GUCY2F: variants seen among roughly 807,000 people sequenced by gnomAD.
GUCY2F encodes the protein retinal guanylyl cyclase 2.
GUCY2F carries 61 observed loss-of-function variants against 73.1 expected under a neutral mutation model. The ratio of observed to expected loss-of-function variants is 0.83; its 90% CI spans 0.68 to 1.03. The LOEUF is 1.03. Ranked by LOEUF, GUCY2F falls within the 50% of genes least tolerant of loss-of-function variation. The pLI is 0.00. For missense variants in GUCY2F, 912 were observed against 854.3 expected (o/e 1.07, Z -0.84); for synonymous variants, 331 against 307.8 (o/e 1.08, Z -0.79).
chrX:109,386,896 G>A (rs1156827301), intron 15 of GUCY2F, among the ~76,000 whole-genome samples: 1 of 111,822 alleles, frequency 8.9e-6, no homozygotes, highest in East Asian at 2.8e-4. Context: ...GGTATGCTGA[G>A]GGGGGTTGGA....
chrX:109,476,811 GTGTGTATATATA>G (rs1488159909), intron 1 of GUCY2F, among the ~76,000 whole-genome samples: 1 of 105,811 alleles, frequency 9.5e-6, no homozygotes, highest in Non-Finnish European at 1.9e-5. Context: ...ATATATGTGC[GTGTGTATATATA>G]TGTGTATATA....
chrX:109,425,335 T>G (rs888966236), intron 8 of GUCY2F, among the ~76,000 whole-genome samples: 2 of 98,207 alleles, frequency 2.0e-5, no homozygotes, highest in African/African-American at 7.4e-5. Context: ...AAAGAAATTG[T>G]TGTGTGTGTG....
At chrX:109,435,241 G>C (rs1299455543) in intron 7 of GUCY2F, among the ~76,000 whole-genome samples, 3 of 110,364 alleles carry the variant, frequency 2.7e-5, no homozygotes, top group Admixed American at 9.6e-5. Context: ...TCACGATATT[G>C]ATTCTTCCTA....
intron 3 of GUCY2F, 111 bp from the exon 4 acceptor site, chrX:109,453,970 G>A: frequency 7.4e-6 from 3 of 404,583 alleles, no homozygotes; most frequent in Non-Finnish European, 1.2e-5. Flanking sequence ...GTGAAGTAGA[G>A]CTATGAAGAC....
chrX:109,425,472 G>A (rs1323259673), intron 8 of GUCY2F, among the ~76,000 whole-genome samples: 2 of 108,870 alleles, frequency 1.8e-5, no homozygotes, highest in East Asian at 5.7e-4. Flanking sequence ...ACTCAGCCAT[G>A]AAAAGGAATG....
At chrX:109,457,270 G>A (rs1345453473) in intron 3 of GUCY2F, among the ~76,000 whole-genome samples, 1 of 111,871 alleles carries the variant, frequency 8.9e-6, no homozygotes, top group African/African-American at 3.2e-5. Context: ...ATAATGGTTC[G>A]TGCTGTTTTT....
At chrX:109,432,057 C>T (rs1324939927) in intron 7 of GUCY2F, among the ~76,000 whole-genome samples, 1 of 111,757 alleles carries the variant, frequency 8.9e-6, no homozygotes, top group Admixed American at 9.4e-5. Context: ...GGACCAGCTG[C>T]ATCAGCATCA....
intron 3 of GUCY2F, among the ~76,000 whole-genome samples, chrX:109,456,570 A>G (rs1244254497): frequency 2.7e-5 from 3 of 111,549 alleles, no homozygotes; most frequent in Non-Finnish European, 5.7e-5. Flanking sequence ...TGATTGACCC[A>G]TTGGAGCTGA....
intron 10 of GUCY2F, 23 bp from the exon 11 acceptor site, chrX:109,398,721 T>C: frequency 2.5e-6 from 3 of 1,193,374 alleles, no homozygotes; most frequent in Non-Finnish European, 3.4e-6. Context: ...CATTGTGTAA[T>C]GAATGCAGGG....
chrX:109,435,295 T>C (rs865946777), intron 7 of GUCY2F, among the ~76,000 whole-genome samples: 2 of 108,507 alleles, frequency 1.8e-5, no homozygotes, highest in Non-Finnish European at 3.8e-5. Flanking sequence ...TATCCTCTTT[T>C]ATTTCATTGA....
chrX:109,447,875 T>A (rs1002221828), intron 6 of GUCY2F, among the ~76,000 whole-genome samples, 194 bp downstream of exon 6: 2 of 108,540 alleles, frequency 1.8e-5, no homozygotes, highest in Non-Finnish European at 3.8e-5. Context: ...TTAACATTTT[T>A]AATTTTTTTA....
intron 15 of GUCY2F, among the ~76,000 whole-genome samples, chrX:109,386,578 T>G (rs1930441266): frequency 8.9e-6 from 1 of 111,983 alleles, no homozygotes. Flanking sequence ...AGGAATTGCA[T>G]GATCTTTTTT....
chrX:109,481,456 A>G (rs1932764995), intron 1 of GUCY2F, among the ~76,000 whole-genome samples: 1 of 111,751 alleles, frequency 8.9e-6, no homozygotes, highest in Non-Finnish European at 1.9e-5. Context: ...CCGTTCGTTA[A>G]ACATGTACAA....
chrX:109,454,046 T>TC lies in GUCY2F; in HGVS notation c.1033-188dup, dbSNP rs758845582. Among the ~76,000 whole-genome samples the TC allele has an allele frequency of 3.2e-3, 355 of 110,116 alleles. 1 individual carries two copies. Among genetic ancestry groups the TC allele is most frequent in the African/African-American group, 0.011 (334 of 29,806 alleles). ...TCCCCTGAATTTTTCTGTTTTTTTTTCCCCCAGGCTGTCACATCTTTAAAT... is the reference window on the plus strand; with the variant it reads ...TCCCCTGAATTTTTCTGTTTTTTTTTCCCCCCAGGCTGTCACATCTTTAAAT... On this transcript the variant is annotated intron_variant, in intron 3 of 19. Coordinates refer to ENST00000218006, the MANE Select transcript of GUCY2F (RefSeq NM_001522.3).
intron 7 of GUCY2F, among the ~76,000 whole-genome samples, chrX:109,440,846 T>C (rs1488449735): frequency 8.9e-6 from 1 of 112,063 alleles, no homozygotes; most frequent in Non-Finnish European, 1.9e-5. Context: ...CAGCAGAAAG[T>C]AACCTGTTAC....
At chrX:109,463,433 CTTTT>C (rs755756631) in intron 3 of GUCY2F, among the ~76,000 whole-genome samples, 1 of 84,000 alleles carries the variant, frequency 1.2e-5, no homozygotes, top group Non-Finnish European at 2.2e-5. Context: ...TTTCCTCACT[CTTTT>C]TTTTTTTTTT....
chrX:109,452,547 T>C (rs953285566), intron 4 of GUCY2F, among the ~76,000 whole-genome samples: 1 of 112,030 alleles, frequency 8.9e-6, no homozygotes, highest in Non-Finnish European at 1.9e-5. Flanking sequence ...ATGAAAAACG[T>C]GGTACTTCTC....
chrX:109,451,609 C>G (rs2147276822), intron 5 of GUCY2F, among the ~76,000 whole-genome samples: 1 of 112,078 alleles, frequency 8.9e-6, no homozygotes, highest in South Asian at 3.7e-4. Flanking sequence ...TGGATTCTAG[C>G]AAAATCTGCC....
intron 17 of GUCY2F, among the ~76,000 whole-genome samples, chrX:109,381,873 A>C (rs184983188): frequency 1.6e-3 from 177 of 112,877 alleles, no homozygotes; most frequent in Non-Finnish European, 2.8e-3. Context: ...AGAAAGATAC[A>C]ACTTACAGTC....
Sources: allele counts gnomAD v4.1 joint callset (sites outside exome capture counted in the v4.1 genomes callset), GRCh38; gene constraint gnomAD v4.1.1; transcripts MANE v1.5; gene names NCBI Gene and HGNC (gene_info 2026-07-23, HGNC 2026-07-21).